ZNF565: variants seen among roughly 807,000 people sequenced by gnomAD.
The protein encoded by ZNF565 is zinc finger protein 565.
Under a neutral mutation model 39.4 loss-of-function variants are expected in ZNF565, and 27 were observed. The ratio of observed to expected loss-of-function variants is 0.69; its 90% CI spans 0.51 to 0.95. The LOEUF (loss-of-function observed/expected upper bound fraction) is 0.95, where lower values mean the gene tolerates loss of function less well. ZNF565 is among the 40% of genes least tolerant of loss of function. ZNF565 has a pLI of 0.00. For missense variants in ZNF565, 524 were observed against 621.1 expected, an observed-to-expected ratio of 0.84 and a Z score of 1.66; for synonymous variants, 185 against 216.6, an observed-to-expected ratio of 0.85 and a Z score of 1.28.
chr19:36,217,055 C>T (rs1229281384), upstream of ZNF565, among the ~76,000 whole-genome samples: 58 of 65,860 alleles, frequency 8.8e-4, no homozygotes, highest in South Asian at 2.4e-3. Context: ...CAGTCCCTGT[C>T]TTTTTTTTTT....
At chr19:36,218,942 G>A (rs1487466407), upstream of ZNF565, among the ~76,000 whole-genome samples, 3 of 151,252 alleles carry the variant, frequency 2.0e-5, no homozygotes, top group African/African-American at 7.3e-5. Flanking sequence ...CCAAGTAGCT[G>A]GGACTACGGG....
chr19:36,217,390 A>T (rs1976656970), upstream of ZNF565, among the ~76,000 whole-genome samples: 1 of 151,808 alleles, frequency 6.6e-6, no homozygotes, highest in Non-Finnish European at 1.5e-5. Flanking sequence ...GAAAGAAAGG[A>T]GAGAGAGAGA....
At position 36,221,927 on chromosome 19, in the gene ZNF565, C is replaced by CTT. The variant is rs60347994; in HGVS notation, c.56-19879_56-19878dup. Among the ~76,000 whole-genome samples the CTT allele has an allele frequency of 7.9e-3, 867 of 109,806 alleles. 15 individuals are homozygous for CTT. The highest frequency in any genetic ancestry group is 0.026 in the Middle Eastern group (4 of 152). The allele number at this position is 109,806 out of a possible 152,430, so 72.0% of individuals were successfully genotyped here. On this transcript the variant is annotated intron_variant, in intron 1 of 4. Transcript: ENST00000355114. ...AGAGATAGCCCTTCCTTTTTTCTTT[C>CTT]TTTTTTTTTTTTTTTTTTTTTTGAA...
chr19:36,214,152 A>T, intron 1 of ZNF565, among the ~76,000 whole-genome samples: 1 of 151,992 alleles, frequency 6.6e-6, no homozygotes, highest in Admixed American at 6.6e-5. Flanking sequence ...CCACACACAT[A>T]CACACAAACA....
At chr19:36,189,412 TCAAA>T (rs1298868841) in intron 4 of ZNF565, among the ~76,000 whole-genome samples, 1 of 151,780 alleles carries the variant, frequency 6.6e-6, no homozygotes, top group African/African-American at 2.4e-5. Context: ...CCTCCCGGGT[TCAAA>T]CAATTTTCCT....
chr19:36,238,959 G>A (rs1307417729), intron 1 of ZNF565, among the ~76,000 whole-genome samples: 1 of 152,120 alleles, frequency 6.6e-6, no homozygotes, highest in Non-Finnish European at 1.5e-5. Context: ...TGCATGTGAG[G>A]AATCCAGGTT....
chr19:36,225,357 G>A (rs949578600), intron 1 of ZNF565, among the ~76,000 whole-genome samples: 16 of 152,268 alleles, frequency 1.1e-4, no homozygotes, highest in African/African-American at 3.6e-4. Context: ...TCTGTTTTCT[G>A]TCGATTCCCT....
chr19:36,215,716 C>A (rs549437440), upstream of ZNF565, among the ~76,000 whole-genome samples: 1 of 151,970 alleles, frequency 6.6e-6, no homozygotes, highest in East Asian at 1.9e-4. Context: ...GGGGTGCCTA[C>A]TTCAGACTAT....
Position 36,245,666 on chromosome 19 carries a change from G to A in ZNF565, c.-136C>T, listed in dbSNP as rs2029893263. Reference sequence around the variant, plus strand: ...CTTTGGCAGAGTCTCTGGTGCCCGGGTGAATGGGTTCAGGGTCTCTTAAGG... The same window carrying A: ...CTTTGGCAGAGTCTCTGGTGCCCGGATGAATGGGTTCAGGGTCTCTTAAGG... On this transcript the variant is annotated 5_prime_UTR_variant, in exon 1 of 5. Transcript: ENST00000355114. This position sits in a 1 kb window ranked among gnomAD's most constrained non-coding sequence, Gnocchi z 4.4. 1 of 676,176 alleles carries A rather than the reference G, an allele frequency of 1.5e-6. No individual in the cohort carries two copies. Among genetic ancestry groups the A allele is most frequent in the South Asian group, 1.6e-5 (1 of 62,394 alleles). The allele number at this position is 676,176 out of a possible 1,614,324, so 41.9% of individuals were successfully genotyped here.
At chr19:36,212,058 C>T (rs574474543) in intron 1 of ZNF565, among the ~76,000 whole-genome samples, 1 of 152,144 alleles carries the variant, frequency 6.6e-6, no homozygotes, top group African/African-American at 2.4e-5. Context: ...CTTAACCAAG[C>T]GGTTAAAATT....
At chr19:36,218,475 CTT>C (rs756776418), upstream of ZNF565, among the ~76,000 whole-genome samples, 5 of 145,312 alleles carry the variant, frequency 3.4e-5, no homozygotes, top group Non-Finnish European at 3.0e-5. Context: ...ATTAATATTT[CTT>C]TTTTTTTTTT....
upstream of ZNF565, among the ~76,000 whole-genome samples, chr19:36,219,505 GA>G (rs1468806555): frequency 1.3e-5 from 2 of 151,642 alleles, no homozygotes; most frequent in Non-Finnish European, 1.5e-5. Flanking sequence ...AATCTCTGAT[GA>G]TTTTTTTTTT....
chr19:36,245,729 T>C lies in ZNF565; in HGVS notation c.-199A>G, dbSNP rs926506360. 8.7e-6 allele frequency: 5 copies of C among 577,490 alleles called. No individual in the cohort carries two copies. The African/African-American group carries it at 9.5e-5, about 11-fold the overall frequency. 35.8% of individuals were successfully genotyped at this position (577,490 alleles called of 1,614,324 possible). A position where few individuals can be genotyped will look rare whatever the true frequency, so the allele number is the denominator to read the frequency against. ...CGATGCCTCGAGCTATGACCCACCC[T>C]GGCTCCGTCCACGGTTGTCGGGGTC... On this transcript the variant is annotated 5_prime_UTR_variant, in exon 1 of 5. Transcript: ENST00000355114. The surrounding 1 kb of genome is among the most constrained non-coding windows in gnomAD (Gnocchi z 4.4).
intron 1 of ZNF565, among the ~76,000 whole-genome samples, chr19:36,222,112 G>T (rs1306707266): frequency 6.6e-6 from 1 of 151,934 alleles, no homozygotes; most frequent in Non-Finnish European, 1.5e-5. Flanking sequence ...TTTTTGTAGA[G>T]ATGAGGTCTC....
At chr19:36,239,701 G>C (rs1977765841) in intron 1 of ZNF565, among the ~76,000 whole-genome samples, 1 of 152,112 alleles carries the variant, frequency 6.6e-6, no homozygotes, top group South Asian at 2.1e-4. Context: ...ACACCTGCGT[G>C]TCTGTCTTAA....
chr19:36,245,716 C>CTA lies in ZNF565; in HGVS notation c.-188_-187dup. 1.7e-6 allele frequency: 1 copy of CTA among 599,200 alleles called. No homozygotes were observed. Among genetic ancestry groups the CTA allele is most frequent in the Non-Finnish European group, 3.0e-6 (1 of 335,048 alleles). 37.1% of individuals were successfully genotyped at this position (599,200 alleles called of 1,614,324 possible). A position where few individuals can be genotyped will look rare whatever the true frequency, so the allele number is the denominator to read the frequency against. On this transcript the variant is annotated 5_prime_UTR_variant, in exon 1 of 5. Transcript: ENST00000355114. The surrounding 1 kb of genome is among the most constrained non-coding windows in gnomAD (Gnocchi z 4.4). ...GACCCTCCGTTGACGATGCCTCGAG[C>CTA]TATGACCCACCCTGGCTCCGTCCAC...
intron 1 of ZNF565, among the ~76,000 whole-genome samples, chr19:36,226,078 C>G (rs977737713): frequency 1.3e-5 from 2 of 152,134 alleles, no homozygotes; most frequent in African/African-American, 4.8e-5. Context: ...CCCACGGTAA[C>G]ATTTCTCCCT....
At chr19:36,221,567 C>T (rs1976839565) in intron 1 of ZNF565, among the ~76,000 whole-genome samples, 2 of 152,138 alleles carry the variant, frequency 1.3e-5, no homozygotes, top group Admixed American at 6.5e-5. Context: ...GGATTACAGG[C>T]TTGAGCCACC....
At chr19:36,244,845 G>T (rs2029881368) in intron 1 of ZNF565, among the ~76,000 whole-genome samples, 1 of 78,322 alleles carries the variant, frequency 1.3e-5, no homozygotes, top group Admixed American at 1.3e-4. Flanking sequence ...GCAAGACTAC[G>T]TCTTAAAAAA....
Sources: gnomAD v4.1 joint callset for allele counts (sites outside exome capture counted in the v4.1 genomes callset) on GRCh38, gnomAD v4.1.1 for gene constraint, Gnocchi (gnomAD v3.1) non-coding constraint, MANE v1.5 for transcripts, NCBI Gene and HGNC (gene_info 2026-07-23, HGNC 2026-07-21) for gene names.